KALRN: variants seen among roughly 807,000 people sequenced by gnomAD.
KALRN encodes kalirin RhoGEF kinase, also known as kalirin.
KALRN carries 70 observed loss-of-function variants against 353.7 expected under a neutral mutation model. The ratio of observed to expected loss-of-function variants is 0.20; its 90% confidence interval spans 0.16 to 0.24. The LOEUF is 0.24. Ranked by LOEUF, KALRN falls within the 10% of genes least tolerant of loss-of-function variation. The pLI is 1.00. For synonymous variants in KALRN, 1,391 were observed against 1,434.8 expected, an observed-to-expected ratio of 0.97 and a Z score of 0.69; for missense variants, 2,791 against 3,756.7, an observed-to-expected ratio of 0.74 and a Z score of 6.72.
At chr3:124,168,123 A>G (rs1245517141) in intron 1 of KALRN, among the ~76,000 whole-genome samples, 8 of 152,216 alleles carry the variant, frequency 5.3e-5, no homozygotes. Context: ...GAGAGGTACA[A>G]AACAACTGCA....
chr3:124,436,442 A>G (rs1481677422), intron 17 of KALRN, among the ~76,000 whole-genome samples: 1 of 152,280 alleles, frequency 6.6e-6, no homozygotes, highest in Non-Finnish European at 1.5e-5. Context: ...ATCTCAAAAC[A>G]TGAGCTGCCT....
intron 57 of KALRN, among the ~76,000 whole-genome samples, chr3:124,712,036 T>G (rs1256245204): frequency 6.6e-6 from 1 of 152,138 alleles, no homozygotes; most frequent in Non-Finnish European, 1.5e-5. Flanking sequence ...TGATGGACTT[T>G]GGGGACTTGG....
At chr3:124,603,529 C>A (rs2077020786) in intron 34 of KALRN, among the ~76,000 whole-genome samples, 3 of 152,156 alleles carry the variant, frequency 2.0e-5, no homozygotes, top group Admixed American at 1.3e-4. Flanking sequence ...CTTCCTGTCC[C>A]TGGCTCTCCC....
At chr3:124,075,231 G>A (rs1351843599) in intron 1 of KALRN, among the ~76,000 whole-genome samples, 1 of 152,204 alleles carries the variant, frequency 6.6e-6, no homozygotes, top group Non-Finnish European at 1.5e-5. Context: ...ATTTTGGGCA[G>A]CCTCGCCACA....
chr3:124,356,688 T>G (rs952994533), intron 10 of KALRN, among the ~76,000 whole-genome samples: 1 of 152,224 alleles, frequency 6.6e-6, no homozygotes, highest in African/African-American at 2.4e-5. Flanking sequence ...CACCCACTTC[T>G]GCCTTTTAAA....
intron 1 of KALRN, among the ~76,000 whole-genome samples, chr3:124,159,601 A>G (rs1279230476): frequency 7.1e-6 from 1 of 140,168 alleles, no homozygotes; most frequent in Non-Finnish European, 1.5e-5. Flanking sequence ...TAAACTTTCT[A>G]TCTCTTTTAA....
intron 13 of KALRN, among the ~76,000 whole-genome samples, chr3:124,399,381 G>C (rs369761202): frequency 6.6e-6 from 1 of 152,072 alleles, no homozygotes; most frequent in Non-Finnish European, 1.5e-5. Context: ...CAGGTGATCC[G>C]CCTGCCTCAG....
intron 6 of KALRN, among the ~76,000 whole-genome samples, chr3:124,300,585 G>A (rs536235227): frequency 6.6e-6 from 1 of 152,298 alleles, no homozygotes; most frequent in Admixed American, 6.5e-5. Flanking sequence ...GTTGGCCAAC[G>A]CCAGTCACAG....
intron 1 of KALRN, among the ~76,000 whole-genome samples, chr3:124,047,132 C>T (rs558001192): frequency 4.7e-4 from 72 of 151,948 alleles, no homozygotes; most frequent in Middle Eastern, 3.4e-3. Flanking sequence ...AATTCACAGG[C>T]GCTGGAAAAA....
intron 1 of KALRN, among the ~76,000 whole-genome samples, chr3:124,225,437 G>A (rs1000410896): frequency 1.3e-5 from 2 of 152,168 alleles, no homozygotes; most frequent in Non-Finnish European, 2.9e-5. Context: ...GTTTACTTGT[G>A]GACACACAAC....
intron 1 of KALRN, among the ~76,000 whole-genome samples, chr3:124,142,862 C>T (rs1415943740): frequency 6.6e-6 from 1 of 152,132 alleles, no homozygotes; most frequent in African/African-American, 2.4e-5. Context: ...TTCTCCTCCT[C>T]CTCCCACAAA....
intron 10 of KALRN, among the ~76,000 whole-genome samples, chr3:124,384,381 CA>C (rs1276873754): frequency 6.6e-6 from 1 of 152,192 alleles, no homozygotes; most frequent in East Asian, 1.9e-4. Context: ...AAAAGATAAA[CA>C]CCAGTGGTTA....
At chr3:124,587,340 G>A (rs2149323551) in intron 34 of KALRN, among the ~76,000 whole-genome samples, 1 of 152,350 alleles carries the variant, frequency 6.6e-6, no homozygotes, top group South Asian at 2.1e-4. Context: ...GCCCACTGCT[G>A]TGGTTCCCAA....
chr3:124,337,828 AT>A (rs1303607515), intron 9 of KALRN, among the ~76,000 whole-genome samples: 1 of 152,158 alleles, frequency 6.6e-6, no homozygotes, highest in Non-Finnish European at 1.5e-5. Context: ...AGAACTTGTT[AT>A]TGGTCTATTC....
At chr3:124,391,579 A>C (rs145189188) in intron 11 of KALRN, among the ~76,000 whole-genome samples, 1 of 152,198 alleles carries the variant, frequency 6.6e-6, no homozygotes, top group Non-Finnish European at 1.5e-5. Flanking sequence ...TCAGCGCTAA[A>C]TCGGAGGGAC....
At chr3:124,156,085 A>G (rs1487860845) in intron 1 of KALRN, among the ~76,000 whole-genome samples, 2 of 152,202 alleles carry the variant, frequency 1.3e-5, no homozygotes, top group Non-Finnish European at 2.9e-5. Context: ...TCATTCATCC[A>G]GAGAATACAG....
At chr3:124,480,710 C>G (rs1311911004) in intron 27 of KALRN, among the ~76,000 whole-genome samples, 1 of 152,190 alleles carries the variant, frequency 6.6e-6, no homozygotes, top group African/African-American at 2.4e-5. Flanking sequence ...CAGCTCTCCA[C>G]CACAAACCCC....
intron 3 of KALRN, among the ~76,000 whole-genome samples, chr3:124,263,326 G>A (rs1427548926): frequency 6.6e-6 from 1 of 152,174 alleles, no homozygotes; most frequent in Non-Finnish European, 1.5e-5. Context: ...GAAACAACTG[G>A]TCTGCATCTT....
chr3:124,159,013 A>G (rs1049026364), intron 1 of KALRN, among the ~76,000 whole-genome samples: 1 of 152,040 alleles, frequency 6.6e-6, no homozygotes, highest in African/African-American at 2.4e-5. Flanking sequence ...ATCTACAAAC[A>G]ATTGCCTTTA....
Sources: allele counts gnomAD v4.1 joint callset (sites outside exome capture counted in the v4.1 genomes callset), GRCh38; gene constraint gnomAD v4.1.1; transcripts MANE v1.5; gene names NCBI Gene and HGNC (gene_info 2026-07-23, HGNC 2026-07-21).